Variants in FHIT observed in about 807,000 individuals in gnomAD.
The protein encoded by FHIT is fragile histidine triad diadenosine triphosphatase, also known as bis(5'-adenosyl)-triphosphatase.
FHIT carries 19 observed loss-of-function variants against 17.9 expected under a neutral mutation model. The ratio of observed to expected loss-of-function variants is 1.06; its 90% CI spans 0.74 to 1.56. FHIT has a LOEUF of 1.56. FHIT is among the 40% of genes most tolerant of loss of function. FHIT has a pLI of 0.00. For synonymous variants in FHIT, 81 were observed against 69.7 expected, an observed-to-expected ratio of 1.16 and a Z score of -0.81; for missense variants, 248 against 189.2, an observed-to-expected ratio of 1.31 and a Z score of -1.82.
At chr3:60,203,514 C>T (rs1056081377) in intron 5 of FHIT, among the ~76,000 whole-genome samples, 1 of 152,150 alleles carries the variant, frequency 6.6e-6, no homozygotes, top group African/African-American at 2.4e-5. Flanking sequence ...GAGTTTTTAT[C>T]ACTGAAAGCT....
At chr3:60,738,500 C>A (rs1371397629) in intron 4 of FHIT, among the ~76,000 whole-genome samples, 1 of 152,166 alleles carries the variant, frequency 6.6e-6, no homozygotes, top group Non-Finnish European at 1.5e-5. Flanking sequence ...GGCTCAGAGT[C>A]CTATCTGTCT....
chr3:60,375,630 A>G (rs141107877), intron 5 of FHIT, among the ~76,000 whole-genome samples: 1 of 152,136 alleles, frequency 6.6e-6, no homozygotes, highest in African/African-American at 2.4e-5. Flanking sequence ...TAAAGTACAC[A>G]TACATAGAGG....
At chr3:60,574,024 G>C (rs566025335) in intron 4 of FHIT, among the ~76,000 whole-genome samples, 93 of 152,096 alleles carry the variant, frequency 6.1e-4, no homozygotes, top group African/African-American at 2.2e-3. Flanking sequence ...TGGCCAGGCT[G>C]GTCTTGAACT....
rs530870643 is a variant in FHIT at position 60,387,689 on chromosome 3, A to G, written c.103+149171T>C. 2.0e-4 allele frequency among the ~76,000 whole-genome samples: 30 copies of G among 151,868 alleles called. No individual in the cohort carries two copies. The East Asian group carries it at 2.7e-3, about 14-fold the overall frequency. ...CTTCTCTCTCTGTCCCTCTCACACC[A>G]TTATTGTCACCACAGGCCTTTGAAG... On this transcript the variant is annotated intron_variant, in intron 5 of 9. Coordinates refer to ENST00000492590, the MANE Select transcript of FHIT (RefSeq NM_002012.4).
intron 2 of FHIT, among the ~76,000 whole-genome samples, chr3:61,188,109 C>T (rs139898278): frequency 1.7e-3 from 265 of 152,126 alleles, no homozygotes; most frequent in Non-Finnish European, 2.9e-3. Context: ...AATAGAGACA[C>T]AAAAAACCCT....
chr3:60,918,700 C>T (rs1553767625), intron 3 of FHIT, among the ~76,000 whole-genome samples: 1 of 152,152 alleles, frequency 6.6e-6, no homozygotes, highest in East Asian at 1.9e-4. Context: ...GTTCCCCAAA[C>T]ATCAAAGCAT....
chr3:60,034,910 A>G (rs1701150757), intron 5 of FHIT, among the ~76,000 whole-genome samples: 1 of 152,242 alleles, frequency 6.6e-6, no homozygotes, highest in Admixed American at 6.5e-5. Context: ...AAATTAAACT[A>G]AATTTCCTTC....
intron 4 of FHIT, among the ~76,000 whole-genome samples, chr3:60,563,667 G>C (rs1221068722): frequency 6.6e-6 from 1 of 152,152 alleles, no homozygotes; most frequent in Non-Finnish European, 1.5e-5. Context: ...GGTCTGGATA[G>C]AAGATCAAAC....
At chr3:59,974,054 G>A (rs1404967071) in intron 7 of FHIT, among the ~76,000 whole-genome samples, 1 of 151,846 alleles carries the variant, frequency 6.6e-6, no homozygotes, top group African/African-American at 2.4e-5. Flanking sequence ...GGGCAAAAAT[G>A]GCATTGTTTT....
At chr3:60,445,627 C>T (rs985202765) in intron 5 of FHIT, among the ~76,000 whole-genome samples, 17 of 151,972 alleles carry the variant, frequency 1.1e-4, no homozygotes, top group African/African-American at 4.1e-4. Context: ...TTCAACATTC[C>T]CAGGAAGCCA....
At chr3:60,174,791 G>A (rs1192337708) in intron 5 of FHIT, among the ~76,000 whole-genome samples, 1 of 151,796 alleles carries the variant, frequency 6.6e-6, no homozygotes, top group South Asian at 2.1e-4. Context: ...AAAATAAAAC[G>A]CCATGCCCAC....
At chr3:60,882,139 G>T (rs1363220993) in intron 3 of FHIT, among the ~76,000 whole-genome samples, 1 of 151,892 alleles carries the variant, frequency 6.6e-6, no homozygotes, top group Non-Finnish European at 1.5e-5. Context: ...AAACCAAACA[G>T]AAACAAATTC....
At chr3:60,375,879 G>A (rs1208170127) in intron 5 of FHIT, among the ~76,000 whole-genome samples, 2 of 152,082 alleles carry the variant, frequency 1.3e-5, no homozygotes, top group African/African-American at 4.8e-5. Flanking sequence ...GATGTGTGTT[G>A]CCCAATATGG....
chr3:60,752,797 GA>G (rs1403223507), intron 4 of FHIT, among the ~76,000 whole-genome samples: 61 of 152,116 alleles, frequency 4.0e-4, no homozygotes, highest in African/African-American at 1.3e-3. Context: ...AGAAGAGAAA[GA>G]TGCCAAAACA....
At chr3:60,195,380 C>T (rs1702579685) in intron 5 of FHIT, among the ~76,000 whole-genome samples, 1 of 151,376 alleles carries the variant, frequency 6.6e-6, no homozygotes, top group African/African-American at 2.4e-5. Context: ...GTTGACCTAC[C>T]ATTCTATCTT....
intron 4 of FHIT, among the ~76,000 whole-genome samples, chr3:60,800,286 C>G (rs1267898088): frequency 1.3e-5 from 2 of 152,214 alleles, no homozygotes; most frequent in African/African-American, 2.4e-5. Flanking sequence ...CATTTATTAT[C>G]TGAATCATTC....
At chr3:60,003,740 G>A (rs1027382923) in intron 7 of FHIT, among the ~76,000 whole-genome samples, 1 of 151,946 alleles carries the variant, frequency 6.6e-6, no homozygotes, top group Admixed American at 6.6e-5. Flanking sequence ...GCGAGACTCT[G>A]TCTCAAAAAA....
At chr3:60,795,613 C>T (rs1431077556) in intron 4 of FHIT, among the ~76,000 whole-genome samples, 1 of 151,888 alleles carries the variant, frequency 6.6e-6, no homozygotes, top group African/African-American at 2.4e-5. Flanking sequence ...TTCCTGGGCT[C>T]AAGTGATCCT....
chr3:60,160,415 C>G (rs1375597278), intron 5 of FHIT, among the ~76,000 whole-genome samples: 2 of 152,136 alleles, frequency 1.3e-5, no homozygotes, highest in African/African-American at 2.4e-5. Flanking sequence ...ATTTTTAGAG[C>G]ATTCTTCCTA....
Sources: gnomAD v4.1 joint callset for allele counts (sites outside exome capture counted in the v4.1 genomes callset) on GRCh38, gnomAD v4.1.1 for gene constraint, MANE v1.5 for transcripts, NCBI Gene and HGNC (gene_info 2026-07-23, HGNC 2026-07-21) for gene names.